The following DTNA variants were observed in gnomAD, a reference collection of about 807,000 sequenced individuals.
The protein encoded by DTNA is dystrophin-related protein 3.
In DTNA, 43 loss-of-function variants were observed where a neutral mutation model predicts 100.7. The ratio of observed to expected loss-of-function variants is 0.43; its 90% CI spans 0.33 to 0.55. The LOEUF is 0.55. DTNA is among the 20% of genes least tolerant of loss of function. DTNA has a pLI of 0.04. For missense variants in DTNA, 798 were observed against 953.9 expected, an observed-to-expected ratio of 0.84 and a Z score of 2.15; for synonymous variants, 349 against 347.9, an observed-to-expected ratio of 1.00 and a Z score of -0.04.
At chr18:34,572,403 C>A (rs1054590630) in intron 1 of DTNA, among the ~76,000 whole-genome samples, 1 of 152,148 alleles carries the variant, frequency 6.6e-6, no homozygotes, top group East Asian at 1.9e-4. Context: ...TATGTGCTAA[C>A]CAATTTTCCT....
At chr18:34,738,756 C>G (rs745638292) in intron 1 of DTNA, among the ~76,000 whole-genome samples, 3 of 152,146 alleles carry the variant, frequency 2.0e-5, no homozygotes, top group Non-Finnish European at 2.9e-5. Context: ...TTTTGCACAC[C>G]TCTGGAGTTT....
intron 1 of DTNA, among the ~76,000 whole-genome samples, chr18:34,613,707 G>A (rs2054671978): frequency 6.6e-6 from 1 of 152,212 alleles, no homozygotes; most frequent in African/African-American, 2.4e-5. Flanking sequence ...TGACAGAGGT[G>A]AGGAAGCTAC....
rs116012046 is a variant in DTNA at position 34,593,745 on chromosome 18, C to T, written c.-2+100231C>T. The stretch of plus-strand genomic sequence containing the variant: ...TGAAATTTACATTGCAAGTCTGTAA[C>T]TTCAGTTTTGACTTTATCCTTATTT... On this transcript the variant is annotated intron_variant, in intron 1 of 19. Transcript: ENST00000283365. Among the ~76,000 whole-genome samples, 1,571 of 152,288 alleles carry T rather than the reference C, an allele frequency of 0.01. 37 individuals carry two copies. Among genetic ancestry groups the T allele is most frequent in the African/African-American group, 0.036 (1,493 of 41,556 alleles).
chr18:34,755,229 T>C (rs905602777), intron 1 of DTNA, among the ~76,000 whole-genome samples: 1 of 152,214 alleles, frequency 6.6e-6, no homozygotes, highest in Non-Finnish European at 1.5e-5. Context: ...CCATTAACTT[T>C]CTCATTATTT....
rs2096941595 is a variant in DTNA at position 34,888,463 on chromosome 18, C to T, written c.*729C>T. 1 of 985,744 alleles carries T rather than the reference C, an allele frequency of 1.0e-6. No homozygotes were observed. The highest frequency in any genetic ancestry group is 1.2e-6 in the Non-Finnish European group (1 of 829,924). 61.1% of individuals were successfully genotyped at this position (985,744 alleles called of 1,614,324 possible). On this transcript the variant is annotated 3_prime_UTR_variant, in exon 23 of 23. Coordinates refer to ENST00000444659, the MANE Select transcript of DTNA (RefSeq NM_001386795.1). ...CCAGGAATAATCCATTCTTTGGGGCCTCTTTCCAACTCGAGGTTGTTTTCT... is the reference window on the plus strand; with the variant it reads ...CCAGGAATAATCCATTCTTTGGGGCTTCTTTCCAACTCGAGGTTGTTTTCT...
intron 1 of DTNA, among the ~76,000 whole-genome samples, chr18:34,727,170 A>G (rs1364941269): frequency 6.6e-6 from 1 of 152,192 alleles, no homozygotes; most frequent in African/African-American, 2.4e-5. Flanking sequence ...GAGGCTTCAC[A>G]GGGCAGCAGG....
chr18:34,591,201 A>G (rs911322924), intron 1 of DTNA, among the ~76,000 whole-genome samples: 1 of 152,178 alleles, frequency 6.6e-6, no homozygotes, highest in African/African-American at 2.4e-5. Context: ...AGAATCACAC[A>G]CATGCATACA....
At chr18:34,883,575 G>A (rs1310321144) in intron 21 of DTNA, among the ~76,000 whole-genome samples, 1 of 152,062 alleles carries the variant, frequency 6.6e-6, no homozygotes, top group African/African-American at 2.4e-5. Context: ...CTCCCAAAGT[G>A]TTGGGATTAT....
At chr18:34,810,943 C>G (rs2095474485) in intron 5 of DTNA, among the ~76,000 whole-genome samples, 1 of 152,126 alleles carries the variant, frequency 6.6e-6, no homozygotes, top group African/African-American at 2.4e-5. Context: ...GTTCTCAAAA[C>G]CATAATCCGA....
At chr18:34,613,976 C>T (rs2054737487) in intron 1 of DTNA, among the ~76,000 whole-genome samples, 1 of 152,160 alleles carries the variant, frequency 6.6e-6, no homozygotes, top group Non-Finnish European at 1.5e-5. Flanking sequence ...AAGCCAATGC[C>T]TGCCTTCAAA....
At chr18:34,569,230 G>A (rs886703918) in intron 1 of DTNA, among the ~76,000 whole-genome samples, 9 of 152,142 alleles carry the variant, frequency 5.9e-5, no homozygotes, top group Admixed American at 2.0e-4. Flanking sequence ...TGAGTGAATC[G>A]TAAGGGAAAG....
At chr18:34,583,323 C>T (rs28437228) in intron 1 of DTNA, among the ~76,000 whole-genome samples, 15,650 of 151,988 alleles carry the variant, frequency 0.1, 1,168 homozygotes, top group African/African-American at 0.21. Flanking sequence ...TCATGTTGCC[C>T]CCGTTGGCCC....
intron 1 of DTNA, among the ~76,000 whole-genome samples, chr18:34,547,484 C>T (rs1225595386): frequency 6.6e-6 from 1 of 152,058 alleles, no homozygotes; most frequent in Non-Finnish European, 1.5e-5. Context: ...AGAAGTCTTA[C>T]AGGGTGGGAA....
chr18:34,554,846 T>G (rs2045856125), intron 1 of DTNA, among the ~76,000 whole-genome samples: 2 of 151,044 alleles, frequency 1.3e-5, no homozygotes, highest in Admixed American at 1.3e-4. Flanking sequence ...CTTTTTTGAT[T>G]GTGTCTCTGC....
chr18:34,866,211 C>G (rs370551009), intron 17 of DTNA: 3 of 1,613,594 alleles, frequency 1.9e-6, no homozygotes, highest in African/African-American at 2.7e-5. Context: ...TGCTTTTGCT[C>G]TAATGTATGT....
chr18:34,779,859 T>C (rs1402676750), intron 3 of DTNA, among the ~76,000 whole-genome samples: 1 of 152,222 alleles, frequency 6.6e-6, no homozygotes, highest in Non-Finnish European at 1.5e-5. Context: ...TTCCTTAGTA[T>C]ACAAATTTAG....
At chr18:34,864,699 C>T (rs1395375638) in intron 17 of DTNA, among the ~76,000 whole-genome samples, 1 of 152,156 alleles carries the variant, frequency 6.6e-6, no homozygotes, top group African/African-American at 2.4e-5. Flanking sequence ...TAGCTTTCAG[C>T]AATTCTGATT....
intron 1 of DTNA, among the ~76,000 whole-genome samples, chr18:34,570,827 A>AATAC (rs1218418309): frequency 6.6e-6 from 1 of 152,144 alleles, no homozygotes; most frequent in African/African-American, 2.4e-5. Context: ...ACCTCTATGT[A>AATAC]AGGCAGAGCT....
Position 34,682,614 on chromosome 18 carries a change from A to C in DTNA, c.-1-73362A>C, listed in dbSNP as rs75568716. On this transcript the variant is annotated intron_variant, in intron 1 of 19. Coordinates refer to the DTNA transcript ENST00000283365. ...AATGAGCAGTTCCCTAATGATGTTG[A>C]ACATCTTTTCATATGGTTACTTTCT... Among the ~76,000 whole-genome samples, 74 of 152,244 alleles carry C rather than the reference A, an allele frequency of 4.9e-4. No homozygotes were observed. In the East Asian group the frequency reaches 0.011, roughly 22 times the overall value.
Sources: gnomAD v4.1 joint callset for allele counts (sites outside exome capture counted in the v4.1 genomes callset) on GRCh38, gnomAD v4.1.1 for gene constraint, MANE v1.5 for transcripts, NCBI Gene and HGNC (gene_info 2026-07-23, HGNC 2026-07-21) for gene names.